The following RELCH variants were observed in gnomAD, a reference collection of about 807,000 sequenced individuals.
RELCH encodes the protein RAB11-binding protein RELCH.
Under a neutral mutation model 150.3 loss-of-function variants are expected in RELCH, and 41 were observed. That is an observed-to-expected ratio of 0.27 (90% CI 0.21 to 0.35). The LOEUF (loss-of-function observed/expected upper bound fraction) is 0.35, where lower values mean the gene tolerates loss of function less well. Among genes scored for constraint, RELCH ranks in the 10% least tolerant of loss-of-function variants. The pLI is 1.00. For missense variants in RELCH, 1,092 were observed against 1,467.8 expected (o/e 0.74, Z 4.18); for synonymous variants, 478 against 531.8 (o/e 0.90, Z 1.39).
chr18:62,229,338 A>C (rs1378431380), intron 8 of RELCH, among the ~76,000 whole-genome samples: 3 of 152,064 alleles, frequency 2.0e-5, no homozygotes, highest in Non-Finnish European at 4.4e-5. Context: ...AAATAGAGAG[A>C]TGTTATGCCT....
chr18:62,209,584 G>A (rs2040028217), intron 1 of RELCH, among the ~76,000 whole-genome samples: 1 of 150,092 alleles, frequency 6.7e-6, no homozygotes. Flanking sequence ...TTTCAAGATT[G>A]TTCAGCTATT....
intron 1 of RELCH, among the ~76,000 whole-genome samples, chr18:62,208,356 CAAA>C (rs35392932): frequency 2.6e-4 from 35 of 132,492 alleles, no homozygotes; most frequent in Admixed American, 5.2e-4. Flanking sequence ...ACTTTTAAAG[CAAA>C]AAAAAAAAAA....
intron 11 of RELCH, among the ~76,000 whole-genome samples, chr18:62,249,301 C>A (rs1283202540): frequency 6.6e-6 from 1 of 152,142 alleles, no homozygotes; most frequent in Non-Finnish European, 1.5e-5. Flanking sequence ...CTTTGAAATT[C>A]TATTACTGAA....
chr18:62,271,362 T>C (rs1419681861), intron 20 of RELCH, among the ~76,000 whole-genome samples: 1 of 152,252 alleles, frequency 6.6e-6, no homozygotes, highest in Non-Finnish European at 1.5e-5. Flanking sequence ...GCATTTTTCA[T>C]GTGTCTGTTG....
At chr18:62,204,209 C>T (rs13381334) in intron 1 of RELCH, among the ~76,000 whole-genome samples, 13,141 of 151,318 alleles carry the variant, frequency 0.087, 651 homozygotes, top group Middle Eastern at 0.17. Context: ...TTTAATAATT[C>T]GAAGGAATAA....
intron 15 of RELCH, among the ~76,000 whole-genome samples, chr18:62,259,396 A>G (rs925366700): frequency 1.3e-5 from 2 of 151,942 alleles, no homozygotes; most frequent in African/African-American, 4.8e-5. Flanking sequence ...CAATAGTTTT[A>G]TAAAAAATGC....
intron 1 of RELCH, among the ~76,000 whole-genome samples, chr18:62,190,526 G>A (rs55814946): frequency 0.16 from 24,805 of 151,848 alleles, 2,714 homozygotes; most frequent in Middle Eastern, 0.29. Context: ...ACAGTGAGCC[G>A]AGATCCCACC....
At chr18:62,197,446 G>C (rs77177450) in intron 1 of RELCH, among the ~76,000 whole-genome samples, 5,601 of 152,190 alleles carry the variant, frequency 0.037, 339 homozygotes, top group African/African-American at 0.13. Flanking sequence ...TTTTAACTGT[G>C]CTGTTCCACC....
chr18:62,257,210 A>G (rs1423468907), intron 13 of RELCH, among the ~76,000 whole-genome samples: 1 of 151,960 alleles, frequency 6.6e-6, no homozygotes, highest in African/African-American at 2.4e-5. Context: ...GTATATTGGT[A>G]GCTCTTTATC....
At chr18:62,275,746 T>C (rs2044173704) in intron 22 of RELCH, among the ~76,000 whole-genome samples, 1 of 152,208 alleles carries the variant, frequency 6.6e-6, no homozygotes, top group Admixed American at 6.5e-5. Flanking sequence ...CTTATTTTAA[T>C]TTCTAACTTA....
At chr18:62,298,281 A>G (rs1297319568) in intron 27 of RELCH, among the ~76,000 whole-genome samples, 1 of 152,156 alleles carries the variant, frequency 6.6e-6, no homozygotes, top group East Asian at 1.9e-4. Flanking sequence ...GTCTCCCTGC[A>G]GGAATCGTGT....
intron 20 of RELCH, among the ~76,000 whole-genome samples, chr18:62,273,664 C>T (rs1465905445): frequency 6.6e-6 from 1 of 152,130 alleles, no homozygotes; most frequent in Non-Finnish European, 1.5e-5. Context: ...AGCCTTTGCA[C>T]TGTACCCAGT....
At position 62,282,382 on chromosome 18, in the gene RELCH, C is replaced by G; in HGVS notation, c.3191C>G (p.Thr1064Arg). ...TATCAAGACCAACATTCTTTGCATA[C>G]AGAGATCATAAAAACATTTGGTAGA... is the stretch of plus-strand genomic sequence containing the variant. ...PQYQDQHSLH[T>R]EIIKTFGRVG... The change falls in exon 25 of 29, where the codon ACA (threonine) becomes AGA (arginine). Residue 1064 changes from threonine (T) to arginine (R), a missense_variant. This residue lies in a region of RELCH where 707 missense variants were observed against 1,025.4 expected (regional missense o/e 0.69). Transcript: ENST00000644646. 6.2e-7 allele frequency: 1 copy of G among 1,612,712 alleles called. No individual in the cohort carries two copies. Among genetic ancestry groups the G allele is most frequent in the Non-Finnish European group, 8.5e-7 (1 of 1,179,338 alleles).
intron 1 of RELCH, among the ~76,000 whole-genome samples, chr18:62,191,446 G>A (rs1599753211): frequency 6.6e-6 from 1 of 152,088 alleles, no homozygotes; most frequent in Non-Finnish European, 1.5e-5. Flanking sequence ...TCAACTTCCA[G>A]GGTACATGTG....
chr18:62,221,071 C>A lies in RELCH; in HGVS notation c.651C>A (p.Thr217=). 1 of 1,613,346 alleles carries A rather than the reference C, an allele frequency of 6.2e-7. No homozygotes were observed. The highest frequency in any genetic ancestry group is 8.5e-7 in the Non-Finnish European group (1 of 1,179,588). Residue 217 remains threonine (T), a synonymous_variant, in exon 3 of 29, where the codon ACC becomes ACA. Coordinates refer to ENST00000644646, the MANE Select transcript of RELCH (RefSeq NM_001346231.2). ...LEFELRKAKE[T]IQALRANLTK... ...TTGAACTACGGAAAGCCAAGGAGAC[C>A]ATTCAGGCCCTCCGAGCCAACCTGA...
chr18:62,220,953 C>A, intron 2 of RELCH, 84 bp from the exon 3 acceptor site: 1 of 1,022,542 alleles, frequency 9.8e-7, no homozygotes. Context: ...TTTTTCATAC[C>A]CATCCTTGCT....
At chr18:62,245,317 A>G (rs1309856905) in intron 11 of RELCH, among the ~76,000 whole-genome samples, 1 of 152,194 alleles carries the variant, frequency 6.6e-6, no homozygotes, top group Admixed American at 6.5e-5. Context: ...AAGGAATTCT[A>G]TACCTTCTCA....
chr18:62,229,485 G>GGT (rs58842870), intron 8 of RELCH, among the ~76,000 whole-genome samples: 7,221 of 143,284 alleles, frequency 0.05, 363 homozygotes, highest in African/African-American at 0.13. Flanking sequence ...GTATAGTAGG[G>GGT]GTGTGTGTGT....
rs2043035970 is a variant in RELCH at position 62,257,263 on chromosome 18, G to T, written c.1897-685G>T. Among the ~76,000 whole-genome samples, 5 of 151,976 alleles carry T rather than the reference G, an allele frequency of 3.3e-5. No individual in the cohort carries two copies. In the South Asian group the frequency reaches 1.0e-3, roughly 31 times the overall value. ...GCTAAAACACTCTTTATCATAACTG[G>T]AAAATATTCTGTGTGAAATCAAGGC... On this transcript the variant is annotated intron_variant, in intron 13 of 28. Transcript: ENST00000644646.
Sources: allele counts gnomAD v4.1 joint callset (sites outside exome capture counted in the v4.1 genomes callset), GRCh38; gene constraint gnomAD v4.1.1; regional missense constraint gnomAD v4.1.1; transcripts MANE v1.5; gene names NCBI Gene and HGNC (gene_info 2026-07-23, HGNC 2026-07-21).